Variants in SEMA6A observed in about 807,000 individuals in gnomAD.
SEMA6A encodes semaphorin 6A, also known as semaphorin-6A.
In SEMA6A, 25 loss-of-function variants were observed where a neutral mutation model predicts 96.8. The ratio of observed to expected loss-of-function variants is 0.26; its 90% CI spans 0.19 to 0.36. The LOEUF is 0.36. SEMA6A is among the 10% of genes least tolerant of loss of function. The probability of loss-of-function intolerance (pLI) is 1.00; values close to 1 mark genes in which losing one functional copy is unlikely to be tolerated. For synonymous variants in SEMA6A, 612 were observed against 518.0 expected (o/e 1.18, Z -2.46); for missense variants, 1,363 against 1,323.1 (o/e 1.03, Z -0.47).
intron 1 of SEMA6A, among the ~76,000 whole-genome samples, chr5:116,573,213 G>T (rs1051739047): frequency 2.0e-5 from 3 of 152,180 alleles, no homozygotes; most frequent in African/African-American, 7.2e-5. Context: ...CCATGGTAGC[G>T]CCCTAGGACA....
intron 3 of SEMA6A, 138 bp downstream of exon 3, chr5:116,502,072 A>G: frequency 1.5e-6 from 1 of 645,822 alleles, no homozygotes; most frequent in Non-Finnish European, 2.7e-6. Context: ...TGATTGCTTG[A>G]TAAGTTAAAG....
At chr5:116,554,534 A>G (rs1012570355) in intron 1 of SEMA6A, among the ~76,000 whole-genome samples, 2 of 152,220 alleles carry the variant, frequency 1.3e-5, no homozygotes, top group African/African-American at 4.8e-5. Context: ...TATTAAGATA[A>G]TACGTAACAA....
At chr5:116,560,050 T>C (rs1209580626) in intron 1 of SEMA6A, among the ~76,000 whole-genome samples, 49 of 152,190 alleles carry the variant, frequency 3.2e-4, no homozygotes, top group Non-Finnish European at 7.3e-5. Context: ...AGGAGGCCCC[T>C]TGCTGTTCTG....
chr5:116,475,623 A>T lies in SEMA6A; in HGVS notation c.1650-20T>A. 1 of 1,563,876 alleles carries T rather than the reference A, an allele frequency of 6.4e-7. No homozygotes were observed. ...GTCAGTCTTTTAAAAAAGGAAGGGA[A>T]AGAGAGACAGAAATGAATACAATAA... On this transcript the variant is annotated intron_variant, in intron 15 of 18. Transcript: ENST00000343348.
At chr5:116,516,490 GT>G (rs200279582) in intron 1 of SEMA6A, among the ~76,000 whole-genome samples, 12 of 150,692 alleles carry the variant, frequency 8.0e-5, no homozygotes, top group African/African-American at 2.0e-4. Context: ...GATATTTCAG[GT>G]TTTTTTTTCT....
At chr5:116,468,015 T>G in intron 17 of SEMA6A, 1 of 435,676 alleles carries the variant, frequency 2.3e-6, no homozygotes, top group South Asian at 3.3e-5. Context: ...GGGAATCACT[T>G]AACCTCTTCC....
At chr5:116,489,518 A>G (rs999632821) in intron 7 of SEMA6A, among the ~76,000 whole-genome samples, 2 of 152,236 alleles carry the variant, frequency 1.3e-5, no homozygotes, top group Non-Finnish European at 2.9e-5. Flanking sequence ...CGGGCTGACT[A>G]AATTGCTACT....
At chr5:116,505,451 ACGCACG>A (rs1337090998) in intron 1 of SEMA6A, among the ~76,000 whole-genome samples, 7 of 142,242 alleles carry the variant, frequency 4.9e-5, no homozygotes, top group Admixed American at 2.1e-4. Context: ...ACACAGACAC[ACGCACG>A]CGCACACACA....
At chr5:116,479,558 G>C (rs1036776429) in intron 12 of SEMA6A, among the ~76,000 whole-genome samples, 1 of 152,184 alleles carries the variant, frequency 6.6e-6, no homozygotes, top group East Asian at 1.9e-4. Context: ...AAAGCCTGTT[G>C]AACTGCTTGG....
chr5:116,518,936 G>A (rs1758794555), intron 1 of SEMA6A, among the ~76,000 whole-genome samples: 1 of 151,968 alleles, frequency 6.6e-6, no homozygotes. Context: ...AAGGCAGAAT[G>A]ACTTTTTTCT....
intron 1 of SEMA6A, among the ~76,000 whole-genome samples, chr5:116,526,455 CAAATGAATGTTTGATTGGT>C (rs1248569681): frequency 6.6e-6 from 1 of 152,154 alleles, no homozygotes; most frequent in Admixed American, 6.6e-5. Flanking sequence ...CTGGCAAGGG[CAAATGAATGTTTGATTGGT>C]AAACAAACGG....
rs1755844075 is a variant in SEMA6A, at chr5:116,467,640, G to A, written c.1837C>T (p.Pro613Ser). The change falls in exon 18 of 19, where the codon CCT becomes TCT. Residue 613 changes from proline to serine, a missense_variant. Transcript: ENST00000343348. Reference sequence around the variant, plus strand: ...GCCCCCAAAGGGTCTGTGCTGTCAGGTGAGTCAAGCAGATGCTTCCAGTCC... The same window carrying A: ...GCCCCCAAAGGGTCTGTGCTGTCAGATGAGTCAAGCAGATGCTTCCAGTCC... ...MLDWKHLLDS[P>S]DSTDPLGAVS... 6.2e-7 allele frequency: 1 copy of A among 1,613,660 alleles called. No homozygotes were observed.
At chr5:116,467,810 A>C (rs1262894612) in intron 17 of SEMA6A, 63 bp from the exon 18 acceptor site, 22 of 1,555,730 alleles carry the variant, frequency 1.4e-5, no homozygotes, top group African/African-American at 2.7e-5. Flanking sequence ...CCCTTTGCGC[A>C]GAGGCCTGGA....
At chr5:116,506,256 C>G (rs154598) in intron 1 of SEMA6A, among the ~76,000 whole-genome samples, 63,312 of 152,102 alleles carry the variant, frequency 0.42, 15,631 homozygotes, top group African/African-American at 0.69. Flanking sequence ...TAATTTCACA[C>G]ACACAGCTGG....
intron 15 of SEMA6A, among the ~76,000 whole-genome samples, chr5:116,476,541 C>T (rs2112680930): frequency 6.6e-6 from 1 of 152,284 alleles, no homozygotes; most frequent in Middle Eastern, 3.4e-3. Context: ...ATTCATCATG[C>T]CCTGGAGCCC....
chr5:116,458,757 A>T (rs1755176816), intron 18 of SEMA6A, among the ~76,000 whole-genome samples: 1 of 152,092 alleles, frequency 6.6e-6, no homozygotes, highest in Non-Finnish European at 1.5e-5. Context: ...CCCTTTCCAC[A>T]ATAATCTCAT....
At chr5:116,468,149 T>C (rs139588978) in intron 17 of SEMA6A, 1 of 171,268 alleles carries the variant, frequency 5.8e-6, no homozygotes, top group Non-Finnish European at 1.2e-5. Flanking sequence ...TTCTTTGATA[T>C]TCCCATGGCA....
intron 10 of SEMA6A, among the ~76,000 whole-genome samples, chr5:116,484,575 GATGGCTC>G (rs1756947303): frequency 1.3e-5 from 2 of 151,904 alleles, no homozygotes; most frequent in African/African-American, 2.4e-5. Flanking sequence ...AGCGAGTAGA[GATGGCTC>G]ATTGCACTCC....
At chr5:116,477,754 G>A in intron 15 of SEMA6A, 92 bp downstream of exon 15, 1 of 1,245,512 alleles carries the variant, frequency 8.0e-7, no homozygotes, top group African/African-American at 1.5e-5. Flanking sequence ...AGAAAGCTGT[G>A]TGGTGGTGTG....
Sources: gnomAD v4.1 joint callset for allele counts (sites outside exome capture counted in the v4.1 genomes callset) on GRCh38, gnomAD v4.1.1 for gene constraint, MANE v1.5 for transcripts, NCBI Gene and HGNC (gene_info 2026-07-23, HGNC 2026-07-21) for gene names.